NALF1: variants seen among roughly 807,000 people sequenced by gnomAD.
NALF1 encodes family with sequence similarity 155 member A.
Under a neutral mutation model 48.4 loss-of-function variants are expected in NALF1, and 3 were observed. The observed-to-expected ratio is 0.06, with a 90% CI of 0.03 to 0.16. The LOEUF is 0.16. Among genes scored for constraint, NALF1 ranks in the 10% least tolerant of loss-of-function variants. NALF1 has a pLI of 1.00. For synonymous variants in NALF1, 262 were observed against 245.7 expected (o/e 1.07, Z -0.62); for missense variants, 526 against 571.5 (o/e 0.92, Z 0.81).
chr13:107,356,665 CA>C (rs1231758619), intron 1 of NALF1, among the ~76,000 whole-genome samples: 1 of 152,142 alleles, frequency 6.6e-6, no homozygotes, highest in African/African-American at 2.4e-5. Flanking sequence ...TTCACCAGAG[CA>C]AAGTTTTAGA....
At chr13:107,577,304 A>G (rs1217977564) in intron 1 of NALF1, among the ~76,000 whole-genome samples, 1 of 152,210 alleles carries the variant, frequency 6.6e-6, no homozygotes, top group East Asian at 1.9e-4. Context: ...AGCAATTTCA[A>G]GCAAGGTATA....
chr13:107,316,950 T>G (rs1383453206), intron 1 of NALF1, among the ~76,000 whole-genome samples: 1 of 152,110 alleles, frequency 6.6e-6, no homozygotes, highest in Non-Finnish European at 1.5e-5. Flanking sequence ...CAATAAGCAA[T>G]ACATGGGAAG....
chr13:107,292,157 T>C lies in NALF1; in HGVS notation c.916-81402A>G, dbSNP rs1478647767. ...CTGTACAGCATGCTACTGTACTGAA[T>C]ACTACAGGCAAATGCAAAACAATGT... On this transcript the variant is annotated intron_variant, in intron 1 of 2. Coordinates refer to ENST00000375915, the MANE Select transcript of NALF1 (RefSeq NM_001080396.3). 2.0e-5 allele frequency among the ~76,000 whole-genome samples: 3 copies of C among 152,322 alleles called. No homozygotes were observed. The East Asian group carries it at 5.8e-4, about 29-fold the overall frequency.
intron 1 of NALF1, among the ~76,000 whole-genome samples, chr13:107,855,834 G>T (rs1477609974): frequency 6.6e-6 from 1 of 152,126 alleles, no homozygotes; most frequent in African/African-American, 2.4e-5. Context: ...TTTTTGTGGG[G>T]AATGAATAAT....
intron 1 of NALF1, among the ~76,000 whole-genome samples, chr13:107,625,358 AAG>A (rs1879641023): frequency 1.3e-5 from 2 of 152,168 alleles, no homozygotes; most frequent in Admixed American, 1.3e-4. Flanking sequence ...AAACAGCACA[AAG>A]AGATAAGCTA....
chr13:107,181,280 G>A (rs746047440), intron 2 of NALF1, among the ~76,000 whole-genome samples: 31 of 151,442 alleles, frequency 2.0e-4, no homozygotes, highest in Admixed American at 3.3e-4. Flanking sequence ...TGAATTGAAT[G>A]CCACTTTACT....
chr13:107,348,621 G>T (rs1019066190), intron 1 of NALF1, among the ~76,000 whole-genome samples: 14 of 150,932 alleles, frequency 9.3e-5, no homozygotes. Context: ...AGGCCCCTGC[G>T]TGTGATGTTC....
chr13:107,209,389 C>T (rs1879710639), intron 2 of NALF1, among the ~76,000 whole-genome samples: 2 of 151,988 alleles, frequency 1.3e-5, no homozygotes, highest in South Asian at 4.1e-4. Flanking sequence ...CGCCTGTAAT[C>T]TCAGCTACTC....
chr13:107,174,884 T>C (rs1209543556), intron 2 of NALF1, among the ~76,000 whole-genome samples: 2 of 150,502 alleles, frequency 1.3e-5, no homozygotes, highest in East Asian at 2.0e-4. Context: ...CTTTTCTTTT[T>C]CTTTTTCTTT....
At chr13:107,254,185 T>C (rs1471209585) in intron 1 of NALF1, among the ~76,000 whole-genome samples, 6 of 152,028 alleles carry the variant, frequency 3.9e-5, no homozygotes, top group Non-Finnish European at 8.8e-5. Context: ...TCACTGAATC[T>C]TCACAGTTGT....
chr13:107,228,924 T>C (rs1324719742), intron 1 of NALF1, among the ~76,000 whole-genome samples: 1 of 151,926 alleles, frequency 6.6e-6, no homozygotes, highest in Non-Finnish European at 1.5e-5. Context: ...CCCGCCTGGG[T>C]GCTGGTACCT....
chr13:107,435,030 A>G (rs1004836355), intron 1 of NALF1, among the ~76,000 whole-genome samples: 6 of 152,102 alleles, frequency 3.9e-5, no homozygotes, highest in Non-Finnish European at 1.5e-5. Flanking sequence ...GGTATGTTTA[A>G]AAGATGCTTG....
At chr13:107,586,854 T>C (rs1007972267) in intron 1 of NALF1, among the ~76,000 whole-genome samples, 1 of 151,820 alleles carries the variant, frequency 6.6e-6, no homozygotes, top group African/African-American at 2.4e-5. Flanking sequence ...AAAATGAAGA[T>C]GTCATAGTAG....
chr13:107,238,772 C>T (rs1880405421), intron 1 of NALF1, among the ~76,000 whole-genome samples: 1 of 152,152 alleles, frequency 6.6e-6, no homozygotes, highest in African/African-American at 2.4e-5. Flanking sequence ...GCAGCAGGTT[C>T]TATGAAACCC....
intron 1 of NALF1, among the ~76,000 whole-genome samples, chr13:107,358,225 A>C (rs1296529086): frequency 1.3e-5 from 2 of 151,978 alleles, no homozygotes; most frequent in Non-Finnish European, 2.9e-5. Context: ...TTACAAGTGC[A>C]AACTCTGGAA....
At chr13:107,807,053 C>T (rs1245465701) in intron 1 of NALF1, among the ~76,000 whole-genome samples, 1 of 152,094 alleles carries the variant, frequency 6.6e-6, no homozygotes, top group Non-Finnish European at 1.5e-5. Context: ...ATACCAAATA[C>T]TGACATGCAC....
chr13:107,578,930 T>A (rs560518242), intron 1 of NALF1, among the ~76,000 whole-genome samples: 2 of 152,316 alleles, frequency 1.3e-5, no homozygotes, highest in East Asian at 3.9e-4. Flanking sequence ...ACTTCTCCCA[T>A]CTTCCATGTA....
At chr13:107,556,625 C>T (rs546579047) in intron 1 of NALF1, among the ~76,000 whole-genome samples, 2 of 151,828 alleles carry the variant, frequency 1.3e-5, no homozygotes, top group South Asian at 4.2e-4. Flanking sequence ...CCAAGTAGCT[C>T]GGATTACAGG....
Position 107,866,167 on chromosome 13 carries a change from T to TGCC in NALF1, c.427_429dup (p.Gly143dup), listed in dbSNP as rs538202391. 8.6e-5 allele frequency: 138 copies of TGCC among 1,605,138 alleles called. No homozygotes were observed. Among genetic ancestry groups the TGCC allele is most frequent in the East Asian group, 1.8e-4 (8 of 44,798 alleles). On this transcript the variant is annotated inframe_insertion, in exon 1 of 3. Coordinates refer to ENST00000375915, the MANE Select transcript of NALF1 (RefSeq NM_001080396.3). This position sits in a 1 kb window ranked among gnomAD's most constrained non-coding sequence, Gnocchi z 4.4. ...CGGTCGTCTTTGCCTCGGTTGCCCT[T>TGCC]GCCGCCGCCGCCGCCGCCGTCTCCC... is the stretch of plus-strand genomic sequence containing the variant.
Sources: gnomAD v4.1 joint callset for allele counts (sites outside exome capture counted in the v4.1 genomes callset) on GRCh38, gnomAD v4.1.1 for gene constraint, Gnocchi (gnomAD v3.1) non-coding constraint, MANE v1.5 for transcripts, NCBI Gene and HGNC (gene_info 2026-07-23, HGNC 2026-07-21) for gene names.